The following ANAPC7 variants were observed in gnomAD, a reference collection of about 807,000 sequenced individuals.
ANAPC7 encodes the protein anaphase promoting complex subunit 7.
A neutral mutation model predicts 63.3 loss-of-function variants in ANAPC7; 25 were observed. That is an observed-to-expected ratio of 0.39 (90% CI 0.29 to 0.55). ANAPC7 has a LOEUF of 0.55. Among genes scored for constraint, ANAPC7 ranks in the 20% least tolerant of loss-of-function variants. ANAPC7 has a pLI of 0.57. For missense variants in ANAPC7, 516 were observed against 691.7 expected (o/e 0.75, Z 2.85); for synonymous variants, 241 against 251.7 (o/e 0.96, Z 0.40).
intron 1 of ANAPC7, among the ~76,000 whole-genome samples, chr12:110,399,782 CTCTG>C (rs1285329331): frequency 7.3e-6 from 1 of 137,368 alleles, no homozygotes; most frequent in African/African-American, 2.8e-5. Flanking sequence ...GAGAGAGAGA[CTCTG>C]TCTCAGACAA....
intron 3 of ANAPC7, among the ~76,000 whole-genome samples, chr12:110,393,316 T>C (rs1883262463): frequency 1.3e-5 from 2 of 152,240 alleles, no homozygotes; most frequent in Non-Finnish European, 2.9e-5. Context: ...TGGAAGTGTT[T>C]TGCAAATAAA....
chr12:110,380,435 G>A (rs371289531), intron 8 of ANAPC7, among the ~76,000 whole-genome samples: 381 of 149,062 alleles, frequency 2.6e-3, no homozygotes, highest in African/African-American at 9.1e-3. Flanking sequence ...GGCAGCTCAC[G>A]AGGTCAGGAG....
chr12:110,381,108 A>C (rs1299537377), intron 8 of ANAPC7, among the ~76,000 whole-genome samples: 1 of 152,044 alleles, frequency 6.6e-6, no homozygotes, highest in Non-Finnish European at 1.5e-5. Flanking sequence ...AACCAGAAAA[A>C]AAATCAGAAA....
At chr12:110,387,504 A>G in intron 5 of ANAPC7, 1 of 372,176 alleles carries the variant, frequency 2.7e-6, no homozygotes, top group East Asian at 4.4e-5. Flanking sequence ...AAGGGTTACT[A>G]CCTGTGCAGG....
intron 10 of ANAPC7, chr12:110,375,513 A>G (rs1881184237): frequency 1.1e-6 from 1 of 950,044 alleles, no homozygotes; most frequent in Admixed American, 6.2e-5. Flanking sequence ...AGCATTTACT[A>G]TGTACCAGGC....
intron 5 of ANAPC7, 78 bp from the exon 6 acceptor site, chr12:110,386,547 A>C (rs1882470985): frequency 8.1e-7 from 1 of 1,241,612 alleles, no homozygotes; most frequent in Non-Finnish European, 1.1e-6. Flanking sequence ...ATGATTGGTC[A>C]TACAGATACT....
intron 3 of ANAPC7, among the ~76,000 whole-genome samples, chr12:110,392,144 A>G (rs141583697): frequency 6.6e-6 from 1 of 150,908 alleles, no homozygotes; most frequent in East Asian, 2.0e-4. Flanking sequence ...AGATACCTTG[A>G]GCATTGCAGC....
intron 3 of ANAPC7, among the ~76,000 whole-genome samples, chr12:110,394,669 CAAAAAAA>C (rs779142936): frequency 2.7e-3 from 117 of 42,768 alleles, no homozygotes; most frequent in Middle Eastern, 0.014. Flanking sequence ...AATTCCACCT[CAAAAAAA>C]AAAAAAAAAA....
chr12:110,373,933 A>G lies in ANAPC7; in HGVS notation c.*211T>C. 1 of 504,842 alleles carries G rather than the reference A, an allele frequency of 2.0e-6. No homozygotes were observed. Among genetic ancestry groups the G allele is most frequent in the Non-Finnish European group, 3.3e-6 (1 of 299,850 alleles). The allele number at this position is 504,842 out of a possible 1,614,324, so 31.3% of individuals were successfully genotyped here. ...CACTCCCTCAGTCCTCCCTGGCTGG[A>G]GCAGGGGAGGATGGAGATACATGGA... On this transcript the variant is annotated 3_prime_UTR_variant, in exon 11 of 11. Coordinates refer to ENST00000455511, the MANE Select transcript of ANAPC7 (RefSeq NM_016238.3).
At chr12:110,394,522 G>C (rs1441869610) in intron 3 of ANAPC7, among the ~76,000 whole-genome samples, 1 of 150,756 alleles carries the variant, frequency 6.6e-6, no homozygotes, top group African/African-American at 2.4e-5. Context: ...CCAGCTACTC[G>C]GGAGGCTGAG....
At chr12:110,383,265 C>A (rs1882113216) in intron 6 of ANAPC7, 1 of 222,106 alleles carries the variant, frequency 4.5e-6, no homozygotes, top group Non-Finnish European at 9.0e-6. Context: ...GGTGAAACCT[C>A]ATCTCTACTG....
chr12:110,396,495 C>A, intron 1 of ANAPC7, 43 bp from the exon 2 acceptor site: 1 of 1,446,862 alleles, frequency 6.9e-7, no homozygotes, highest in Admixed American at 2.3e-5. Context: ...TCCTCCCTTT[C>A]AATCCAAGCT....
At position 110,381,954 on chromosome 12, in the gene ANAPC7, G is replaced by GAAAAAAA. The variant is rs35699984; in HGVS notation, c.936-13_936-7dup. ...TGCTATAGAAGCTGTGACAGCTGGA[G>GAAAAAAA]AAAAAAAAAAAAAAAAAAACACAAA... On this transcript the variant is annotated splice_polypyrimidine_tract_variant and splice_region_variant and intron_variant, in intron 7 of 10. Coordinates refer to ENST00000455511, the MANE Select transcript of ANAPC7 (RefSeq NM_016238.3). 197 of 976,956 alleles carry GAAAAAAA rather than the reference G, an allele frequency of 2.0e-4. No individual in the cohort carries two copies. The highest frequency in any genetic ancestry group is 1.0e-3 in the South Asian group (51 of 49,318). The allele number at this position is 976,956 out of a possible 1,614,324, so 60.5% of individuals were successfully genotyped here. A position where few individuals can be genotyped will look rare whatever the true frequency, so the allele number is the denominator to read the frequency against.
Position 110,382,813 on chromosome 12 carries a change from C to G in ANAPC7, c.935+30G>C, listed in dbSNP as rs199766537. The G allele has an allele frequency of 1.7e-4, 263 of 1,536,650 alleles. 1 individual carries two copies. The Admixed American group carries it at 4.5e-3, about 26-fold the overall frequency. On this transcript the variant is annotated intron_variant, in intron 7 of 10. Coordinates refer to ENST00000455511, the MANE Select transcript of ANAPC7 (RefSeq NM_016238.3). ...CCATTATCTCTTAATCTACTGACAACTGGGGAGAAAAGAGAATGCATAATC... is the reference window on the plus strand; with the variant it reads ...CCATTATCTCTTAATCTACTGACAAGTGGGGAGAAAAGAGAATGCATAATC...
At chr12:110,391,696 C>T (rs914673365) in intron 3 of ANAPC7, among the ~76,000 whole-genome samples, 4 of 152,064 alleles carry the variant, frequency 2.6e-5, no homozygotes, top group South Asian at 4.1e-4. Context: ...TTTAACATTA[C>T]TATTTTCAAA....
rs137996217 is a variant in ANAPC7, at chr12:110,382,441, TAAAAAAAAA to T, written c.935+393_935+401del. Among the ~76,000 whole-genome samples, 76 of 53,040 alleles carry T rather than the reference TAAAAAAAAA, an allele frequency of 1.4e-3. 1 individual carries two copies. Among genetic ancestry groups the T allele is most frequent in the African/African-American group, 1.7e-3 (22 of 12,962 alleles). The allele number at this position is 53,040 out of a possible 152,430, so 34.8% of individuals were successfully genotyped here. A position where few individuals can be genotyped will look rare whatever the true frequency, so the allele number is the denominator to read the frequency against. On this transcript the variant is annotated intron_variant, in intron 7 of 10. Transcript: ENST00000455511. ...TTGAATCCAGGGCTGATTATCCTTT[TAAAAAAAAA>T]AAAAAAAAAAAATATATATATATAT...
At chr12:110,376,306 G>C in intron 9 of ANAPC7, 90 bp from the exon 10 acceptor site, 1 of 1,456,526 alleles carries the variant, frequency 6.9e-7, no homozygotes, top group Non-Finnish European at 9.4e-7. Context: ...ATCCTCAAGA[G>C]AACACTGGTG....
At chr12:110,391,703 C>CA (rs926862359) in intron 3 of ANAPC7, among the ~76,000 whole-genome samples, 10 of 151,540 alleles carry the variant, frequency 6.6e-5, no homozygotes, top group African/African-American at 1.2e-4. Flanking sequence ...TTACTATTTT[C>CA]AAAAAAAAGT....
At chr12:110,382,499 T>TATATATATATATATAG (rs1555289595) in intron 7 of ANAPC7, among the ~76,000 whole-genome samples, 1 of 136,516 alleles carries the variant, frequency 7.3e-6, no homozygotes, top group African/African-American at 2.7e-5. Flanking sequence ...TATATATTTA[T>TATATATATATATATAG]AGAGACAGGG....
Sources: gnomAD v4.1 joint callset for allele counts (sites outside exome capture counted in the v4.1 genomes callset) on GRCh38, gnomAD v4.1.1 for gene constraint, MANE v1.5 for transcripts, NCBI Gene and HGNC (gene_info 2026-07-23, HGNC 2026-07-21) for gene names.